MYO3B: variants seen among roughly 807,000 people sequenced by gnomAD.
MYO3B encodes myosin-IIIb.
A neutral mutation model predicts 174.6 loss-of-function variants in MYO3B; 156 were observed. That is an observed-to-expected ratio of 0.89 (90% CI 0.78 to 1.02). MYO3B has a LOEUF of 1.02. Among genes scored for constraint, MYO3B ranks in the 50% least tolerant of loss-of-function variants. The probability of loss-of-function intolerance (pLI) is 0.00; values close to 1 mark genes in which losing one functional copy is unlikely to be tolerated. For synonymous variants in MYO3B, 563 were observed against 569.1 expected, an observed-to-expected ratio of 0.99 and a Z score of 0.15; for missense variants, 1,632 against 1,639.4, an observed-to-expected ratio of 1.00 and a Z score of 0.08.
At chr2:170,621,568 G>T (rs1408121339) in intron 32 of MYO3B, among the ~76,000 whole-genome samples, 2 of 150,394 alleles carry the variant, frequency 1.3e-5, no homozygotes, top group Non-Finnish European at 3.0e-5. Context: ...GGAGTGCAGT[G>T]GTGTGATCTT....
At chr2:170,446,085 A>T (rs1054976017) in intron 23 of MYO3B, among the ~76,000 whole-genome samples, 11 of 152,252 alleles carry the variant, frequency 7.2e-5, no homozygotes, top group African/African-American at 2.7e-4. Context: ...GCAGAGCATC[A>T]TCTTCTTTGA....
intron 6 of MYO3B, among the ~76,000 whole-genome samples, chr2:170,227,958 C>T (rs1045562255): frequency 1.3e-5 from 2 of 152,080 alleles, no homozygotes; most frequent in African/African-American, 4.8e-5. Flanking sequence ...GTAAAATGGA[C>T]TGAATTGTAG....
chr2:170,178,243 G>A lies in MYO3B; in HGVS notation c.-45G>A, dbSNP rs774686801. On this transcript the variant is annotated 5_prime_UTR_variant, in exon 1 of 35. It removes an upstream start codon present in the reference 5' UTR. Transcript: ENST00000408978. ...GTGTTCTGCTGGTTTTTGGAGGAAT[G>A]AGAATCCAATCTCTCATAAGCCGGA... 2 of 1,613,696 alleles carry A rather than the reference G, an allele frequency of 1.2e-6. No homozygotes were observed. Among genetic ancestry groups the A allele is most frequent in the Non-Finnish European group, 1.7e-6 (2 of 1,179,708 alleles).
At chr2:170,343,647 G>T (rs2093994172) in intron 8 of MYO3B, 1 of 152,290 alleles carries the variant, frequency 6.6e-6, no homozygotes, top group South Asian at 2.1e-4. Flanking sequence ...ACTATGGGAG[G>T]AGACAGGTAC....
intron 12 of MYO3B, chr2:170,385,970 A>G (rs2094370968): frequency 2.7e-6 from 1 of 370,898 alleles, no homozygotes. Context: ...AAATATCCCA[A>G]TATTGGACAG....
At chr2:170,549,248 G>C (rs1690728429) in intron 32 of MYO3B, among the ~76,000 whole-genome samples, 1 of 152,162 alleles carries the variant, frequency 6.6e-6, no homozygotes, top group African/African-American at 2.4e-5. Flanking sequence ...TCTGTTCTGG[G>C]TTTTCTTCCT....
intron 31 of MYO3B, 87 bp from the exon 32 acceptor site, chr2:170,543,805 T>A: frequency 9.8e-7 from 1 of 1,021,398 alleles, no homozygotes; most frequent in Non-Finnish European, 1.5e-6. Flanking sequence ...CAGGTTTAAG[T>A]GCCCCTTCAT....
chr2:170,374,767 ACAC>A (rs1339812584), intron 9 of MYO3B, among the ~76,000 whole-genome samples: 1 of 140,362 alleles, frequency 7.1e-6, no homozygotes, highest in African/African-American at 2.8e-5. Context: ...ATACACACAC[ACAC>A]ACACACACAC....
At chr2:170,576,012 A>G (rs570710060) in intron 32 of MYO3B, among the ~76,000 whole-genome samples, 3 of 152,344 alleles carry the variant, frequency 2.0e-5, no homozygotes, top group South Asian at 4.1e-4. Flanking sequence ...CAAGATCATG[A>G]GGCAATTAGT....
At chr2:170,598,415 C>G (rs1321405682) in intron 32 of MYO3B, among the ~76,000 whole-genome samples, 1 of 152,214 alleles carries the variant, frequency 6.6e-6, no homozygotes, top group African/African-American at 2.4e-5. Flanking sequence ...AGTTTGGTCA[C>G]TGGAAACTAC....
At chr2:170,325,920 G>A (rs1042687723) in intron 7 of MYO3B, among the ~76,000 whole-genome samples, 1 of 152,110 alleles carries the variant, frequency 6.6e-6, no homozygotes, top group Admixed American at 6.5e-5. Flanking sequence ...TCTGCTGACT[G>A]TGTTCATCGT....
intron 7 of MYO3B, among the ~76,000 whole-genome samples, chr2:170,281,006 C>T (rs897894993): frequency 2.8e-4 from 43 of 151,932 alleles, no homozygotes; most frequent in African/African-American, 6.0e-4. Context: ...TTCCTAGTTC[C>T]GTGAAGAATG....
At chr2:170,284,423 A>G (rs2093538836) in intron 7 of MYO3B, among the ~76,000 whole-genome samples, 2 of 152,174 alleles carry the variant, frequency 1.3e-5, no homozygotes, top group Admixed American at 6.6e-5. Flanking sequence ...ATGACAGCTA[A>G]GATAATAGAG....
rs1192983146 is a variant in MYO3B, at chr2:170,499,804, G to C, written c.3285G>C (p.Gln1095His). The C allele has an allele frequency of 1.2e-6, 2 of 1,613,626 alleles. No homozygotes were observed. The highest frequency in any genetic ancestry group is 1.7e-6 in the Non-Finnish European group (2 of 1,179,774). Residue 1095 changes from glutamine to histidine, a missense_variant, in exon 27 of 35, where the codon CAG becomes CAC. Physicochemically the swap from Gln to His is conservative, Grantham distance 24. Coordinates refer to ENST00000408978, the MANE Select transcript of MYO3B (RefSeq NM_138995.5). Reference sequence around the variant, plus strand: ...GAGAGAAGGGAGCCATTGCCATCCAGTCAGGTAAATGGTCCTGTTCTCATA... The same window carrying C: ...GAGAGAAGGGAGCCATTGCCATCCACTCAGGTAAATGGTCCTGTTCTCATA... ...EKREKGAIAI[Q>H]SAWRGYDARR...
intron 1 of MYO3B, among the ~76,000 whole-genome samples, chr2:170,189,755 T>A (rs987723257): frequency 1.3e-5 from 2 of 152,176 alleles, no homozygotes; most frequent in African/African-American, 4.8e-5. Flanking sequence ...TCAATTTTGT[T>A]GAGTTTCCTC....
At chr2:170,603,238 C>G (rs542492887) in intron 32 of MYO3B, among the ~76,000 whole-genome samples, 1 of 152,194 alleles carries the variant, frequency 6.6e-6, no homozygotes, top group Admixed American at 6.5e-5. Flanking sequence ...AATCCACGCC[C>G]CCCCAACCCC....
At chr2:170,298,735 G>T (rs1172301694) in intron 7 of MYO3B, among the ~76,000 whole-genome samples, 3 of 151,638 alleles carry the variant, frequency 2.0e-5, no homozygotes, top group Non-Finnish European at 4.4e-5. Flanking sequence ...GGGAGTTTTG[G>T]ATGGATGGAG....
chr2:170,624,310 G>T (rs980373351), intron 32 of MYO3B, among the ~76,000 whole-genome samples: 1 of 152,010 alleles, frequency 6.6e-6, no homozygotes, highest in African/African-American at 2.4e-5. Context: ...GTTGCATTCC[G>T]AGGCATTTTA....
chr2:170,383,293 A>G, intron 11 of MYO3B, 104 bp downstream of exon 11: 1 of 726,944 alleles, frequency 1.4e-6, no homozygotes, highest in Admixed American at 2.3e-5. Context: ...GCTACCCTAG[A>G]TGTATATACT....
Sources: gnomAD v4.1 joint callset for allele counts (sites outside exome capture counted in the v4.1 genomes callset) on GRCh38, gnomAD v4.1.1 for gene constraint, MANE v1.5 for transcripts, NCBI Gene and HGNC (gene_info 2026-07-23, HGNC 2026-07-21) for gene names.